The following SLC24A4 variants were observed in gnomAD, a reference collection of about 807,000 sequenced individuals.
The protein encoded by SLC24A4 is sodium/potassium/calcium exchanger 4.
In SLC24A4, 53 loss-of-function variants were observed where a neutral mutation model predicts 79.0. That is an observed-to-expected ratio of 0.67 (90% CI 0.54 to 0.84). The LOEUF (loss-of-function observed/expected upper bound fraction) is 0.84. Among genes scored for constraint, SLC24A4 ranks in the 40% least tolerant of loss-of-function variants. The probability of loss-of-function intolerance (pLI) is 0.00; values close to 1 mark genes in which losing one functional copy is unlikely to be tolerated. For missense variants in SLC24A4, 731 were observed against 822.0 expected (o/e 0.89, Z 1.35); for synonymous variants, 323 against 323.8 (o/e 1.00, Z 0.03).
chr14:92,492,986 A>C (rs1361730297), intron 16 of SLC24A4: 1 of 367,972 alleles, frequency 2.7e-6, no homozygotes, highest in African/African-American at 2.2e-5. Context: ...ACACACACAC[A>C]CACACACACA....
At chr14:92,474,442 G>A (rs1025687638) in intron 12 of SLC24A4, among the ~76,000 whole-genome samples, 4 of 152,190 alleles carry the variant, frequency 2.6e-5, no homozygotes, top group East Asian at 3.9e-4. Context: ...GCCAGACATT[G>A]AGAGCTTTGG....
In SLC24A4 at chr14:92,490,457, T is replaced by C. The variant is rs1205650094; in HGVS notation, c.1538-1208T>C. On this transcript the variant is annotated intron_variant, in intron 14 of 16. Coordinates refer to ENST00000532405, the MANE Select transcript of SLC24A4 (RefSeq NM_153646.4). This position sits in a 1 kb window ranked among gnomAD's most constrained non-coding sequence, Gnocchi z 4.3. Reference sequence around the variant, plus strand: ...TGGGCCCCAGCCTCTGATGTGCTTCTAGCCTGGTTGGGGAAAGAGAGCTCA... The same window carrying C: ...TGGGCCCCAGCCTCTGATGTGCTTCCAGCCTGGTTGGGGAAAGAGAGCTCA... Among the ~76,000 whole-genome samples, 1 of 152,232 alleles carries C rather than the reference T, an allele frequency of 6.6e-6. No individual in the cohort carries two copies. Among genetic ancestry groups the C allele is most frequent in the South Asian group, 2.1e-4 (1 of 4,838 alleles).
At chr14:92,364,633 G>A (rs777149674) in intron 2 of SLC24A4, among the ~76,000 whole-genome samples, 2 of 152,130 alleles carry the variant, frequency 1.3e-5, no homozygotes, top group African/African-American at 4.8e-5. Flanking sequence ...TGGTGGGTGG[G>A]AGGGAGGCAC....
chr14:92,340,974 G>A (rs931894066), intron 2 of SLC24A4, among the ~76,000 whole-genome samples: 1 of 152,184 alleles, frequency 6.6e-6, no homozygotes, highest in South Asian at 2.1e-4. Flanking sequence ...AAGAGTCGGG[G>A]CCTTTCTCAG....
intron 2 of SLC24A4, 79 bp downstream of exon 2, chr14:92,326,057 C>A: frequency 1.0e-6 from 1 of 985,200 alleles, no homozygotes; most frequent in Non-Finnish European, 1.5e-6. Flanking sequence ...TGGGTGGTTA[C>A]AGCCAGAGCT....
chr14:92,376,641 G>A (rs1888519233), intron 2 of SLC24A4, among the ~76,000 whole-genome samples: 1 of 152,244 alleles, frequency 6.6e-6, no homozygotes. Context: ...CCCAGCTGGG[G>A]CAGACAGGTT....
intron 2 of SLC24A4, among the ~76,000 whole-genome samples, chr14:92,375,410 TA>T: frequency 6.6e-6 from 1 of 152,344 alleles, no homozygotes; most frequent in African/African-American, 2.4e-5. Flanking sequence ...CTTAATAAGC[TA>T]AACATGGAAT....
chr14:92,449,015 T>C (rs1892973744), intron 9 of SLC24A4, 59 bp from the exon 10 acceptor site: 10 of 1,600,558 alleles, frequency 6.2e-6, no homozygotes, highest in Non-Finnish European at 8.5e-6. Flanking sequence ...ATCCACCCGC[T>C]GCCCAGTTGG....
intron 12 of SLC24A4, among the ~76,000 whole-genome samples, chr14:92,466,986 CA>C (rs1894166175): frequency 1.3e-5 from 2 of 152,220 alleles, no homozygotes; most frequent in Admixed American, 6.5e-5. Context: ...TGAGGCACAA[CA>C]CAAATATTGG....
At chr14:92,343,634 T>TTCTCTCTTTCTC (rs1411542527) in intron 2 of SLC24A4, among the ~76,000 whole-genome samples, 1 of 97,524 alleles carries the variant, frequency 1.0e-5, no homozygotes, top group South Asian at 3.9e-4. Flanking sequence ...CTTTCTTTCT[T>TTCTCTCTTTCTC]TCTTTCTCTC....
intron 2 of SLC24A4, among the ~76,000 whole-genome samples, chr14:92,368,779 G>T (rs1057398729): frequency 1.3e-5 from 2 of 152,120 alleles, no homozygotes; most frequent in African/African-American, 4.8e-5. Context: ...CCTTCCCCTC[G>T]TCTAGGCAGC....
At chr14:92,455,626 T>G (rs1435308267) in intron 11 of SLC24A4, among the ~76,000 whole-genome samples, 1 of 152,226 alleles carries the variant, frequency 6.6e-6, no homozygotes, top group East Asian at 1.9e-4. Context: ...GTATGTAGAC[T>G]AGGAAAGTGC....
intron 2 of SLC24A4, among the ~76,000 whole-genome samples, chr14:92,411,540 G>A (rs529903934): frequency 1.3e-5 from 2 of 152,176 alleles, no homozygotes; most frequent in African/African-American, 2.4e-5. Flanking sequence ...CCAAGAGCCC[G>A]CTGTCTCTCG....
At chr14:92,455,782 C>T (rs1301439904) in intron 11 of SLC24A4, among the ~76,000 whole-genome samples, 2 of 152,124 alleles carry the variant, frequency 1.3e-5, no homozygotes, top group East Asian at 3.9e-4. Flanking sequence ...CTCACTGCAA[C>T]CTCTGCCTCC....
intron 2 of SLC24A4, among the ~76,000 whole-genome samples, chr14:92,380,524 A>G (rs1888783487): frequency 6.6e-6 from 1 of 152,212 alleles, no homozygotes; most frequent in African/African-American, 2.4e-5. Context: ...GCCCGCACTA[A>G]ATGGGACATC....
At position 92,499,979 on chromosome 14, in the gene SLC24A4, A is replaced by G. The variant is rs1367142636; in HGVS notation, c.*6351A>G. On this transcript the variant is annotated 3_prime_UTR_variant, in exon 17 of 17. Coordinates refer to ENST00000532405, the MANE Select transcript of SLC24A4 (RefSeq NM_153646.4). ...CTCAGCCTCCCGAGTAGCTGGGACT[A>G]CAGGCGCCTGCCACCACACCCAGCT... 3.3e-5 allele frequency: 5 copies of G among 151,876 alleles called. No homozygotes were observed. The highest frequency in any genetic ancestry group is 2.1e-4 in the South Asian group (1 of 4,804). 9.4% of individuals were successfully genotyped at this position (151,876 alleles called of 1,614,324 possible). A position where few individuals can be genotyped will look rare whatever the true frequency, so the allele number is the denominator to read the frequency against.
rs1889214241 is a variant in SLC24A4, at chr14:92,387,215, C to T, written c.242-46697C>T. 4.0e-5 allele frequency among the ~76,000 whole-genome samples: 6 copies of T among 149,766 alleles called. No individual in the cohort carries two copies. In the South Asian group the frequency reaches 1.3e-3, roughly 31 times the overall value. On this transcript the variant is annotated intron_variant, in intron 2 of 16. Coordinates refer to ENST00000532405, the MANE Select transcript of SLC24A4 (RefSeq NM_153646.4). ...TTTTTGAGATGGAGTCTCGCTGTGT[C>T]ACCCAGGCTGGAGAGCAGTGGCGAG...
intron 2 of SLC24A4, among the ~76,000 whole-genome samples, chr14:92,348,631 C>T (rs1374571133): frequency 1.3e-5 from 2 of 152,172 alleles, no homozygotes; most frequent in Non-Finnish European, 2.9e-5. Context: ...CTTACTCTGT[C>T]CATTGATTCA....
At chr14:92,364,115 T>C (rs1366025324) in intron 2 of SLC24A4, among the ~76,000 whole-genome samples, 1 of 152,244 alleles carries the variant, frequency 6.6e-6, no homozygotes, top group East Asian at 1.9e-4. Context: ...AGTTAGTTAT[T>C]CTGTTTTTCT....
Sources: gnomAD v4.1 joint callset for allele counts (sites outside exome capture counted in the v4.1 genomes callset) on GRCh38, gnomAD v4.1.1 for gene constraint, Gnocchi (gnomAD v3.1) non-coding constraint, MANE v1.5 for transcripts, NCBI Gene and HGNC (gene_info 2026-07-23, HGNC 2026-07-21) for gene names.